Variants in KIDINS220 observed in about 807,000 individuals in gnomAD.
KIDINS220 encodes kinase D-interacting substrate of 220 kDa.
In KIDINS220, 63 loss-of-function variants were observed where a neutral mutation model predicts 157.6. The observed-to-expected ratio is 0.40, with a 90% CI of 0.33 to 0.49. The LOEUF is 0.49. Ranked by LOEUF, KIDINS220 falls within the 20% of genes least tolerant of loss-of-function variation. The pLI, the probability that KIDINS220 is intolerant of heterozygous loss-of-function variation, is 0.66. For synonymous variants in KIDINS220, 732 were observed against 783.6 expected (o/e 0.93, Z 1.10); for missense variants, 1,772 against 2,171.2 (o/e 0.82, Z 3.65).
chr2:8,721,898 T>C (rs1339335313), downstream of KIDINS220: 6 of 152,230 alleles, frequency 3.9e-5, no homozygotes, highest in Admixed American at 3.3e-4. Context: ...CATTGTCAGA[T>C]ACACAGTGTG....
At position 8,736,882 on chromosome 2, in the gene KIDINS220, T is replaced by C. The variant is rs145972423; in HGVS notation, c.3703A>G (p.Thr1235Ala). Reference protein sequence around the residue: ...LDQSMLPQYCTTIKKANINGR... With the variant: ...LDQSMLPQYCATIKKANINGR... The stretch of plus-strand genomic sequence containing the variant: ...GGCTGCCTCACCTTTTTGATCGTGG[T>C]ACAATACTGAGGCAGCATACTCTGG... Residue 1235 changes from threonine to alanine, a missense_variant, in exon 27 of 30, where the codon ACC (threonine) becomes GCC (alanine). Thr to Ala is a moderately conservative substitution (Grantham distance 58, BLOSUM62 0). Around this residue, in one of 3 missense-constraint regions of KIDINS220, gnomAD observed 793 missense variants for 885.5 expected, o/e 0.90. Transcript: ENST00000256707. 1 of 1,614,190 alleles carries C rather than the reference T, an allele frequency of 6.2e-7. No homozygotes were observed. Among genetic ancestry groups the C allele is most frequent in the Non-Finnish European group, 8.5e-7 (1 of 1,180,018 alleles).
At chr2:8,761,847 A>G (rs1211011775) in intron 22 of KIDINS220, among the ~76,000 whole-genome samples, 1 of 152,192 alleles carries the variant, frequency 6.6e-6, no homozygotes, top group East Asian at 1.9e-4. Flanking sequence ...CATTTGAATT[A>G]GCTAGCATTT....
chr2:8,722,254 T>C (rs1159233780), downstream of KIDINS220: 1 of 152,230 alleles, frequency 6.6e-6, no homozygotes, highest in Non-Finnish European at 1.5e-5. Context: ...AAAGAAAATA[T>C]GCATCTTAGA....
At chr2:8,800,596 A>G in intron 8 of KIDINS220, 98 bp from the exon 9 acceptor site, 3 of 909,704 alleles carry the variant, frequency 3.3e-6, no homozygotes, top group Non-Finnish European at 5.0e-6. Flanking sequence ...ATTTTTTTCT[A>G]AAAATTTCTT....
At chr2:8,813,605 C>G (rs1044151031) in intron 4 of KIDINS220, among the ~76,000 whole-genome samples, 5 of 152,198 alleles carry the variant, frequency 3.3e-5, no homozygotes, top group African/African-American at 1.2e-4. Flanking sequence ...TTCCAAACTT[C>G]TAAGATTTAT....
intron 8 of KIDINS220, 121 bp from the exon 9 acceptor site, chr2:8,800,619 C>T: frequency 1.5e-6 from 1 of 682,446 alleles, no homozygotes; most frequent in East Asian, 2.6e-5. Flanking sequence ...AAAAAGTCTA[C>T]CTCTAAATAA....
chr2:8,797,489 G>A (rs1452392408), intron 10 of KIDINS220, among the ~76,000 whole-genome samples: 9 of 152,162 alleles, frequency 5.9e-5, no homozygotes, highest in East Asian at 1.9e-4. Flanking sequence ...GGATTAAGGA[G>A]CCACCTGCAA....
At chr2:8,798,473 A>G (rs1044200876) in intron 9 of KIDINS220, among the ~76,000 whole-genome samples, 173 bp from the exon 10 acceptor site, 12 of 152,210 alleles carry the variant, frequency 7.9e-5, no homozygotes, top group African/African-American at 2.9e-4. Flanking sequence ...TTGTGAAAGA[A>G]GCCTAGGAAA....
intron 22 of KIDINS220, among the ~76,000 whole-genome samples, chr2:8,764,607 G>A (rs1227172418): frequency 2.0e-5 from 3 of 152,194 alleles, no homozygotes; most frequent in Non-Finnish European, 4.4e-5. Context: ...TGTGTACTGA[G>A]AAGCTACTAT....
chr2:8,798,174 G>C (rs1252125987), intron 10 of KIDINS220, 28 bp downstream of exon 10: 1 of 1,330,458 alleles, frequency 7.5e-7, no homozygotes, highest in Non-Finnish European at 1.1e-6. Flanking sequence ...ATAAGGTGCT[G>C]CTAACAGAAT....
intron 1 of KIDINS220, among the ~76,000 whole-genome samples, chr2:8,835,435 G>C (rs1002590119): frequency 3.3e-5 from 5 of 151,968 alleles, no homozygotes; most frequent in Non-Finnish European, 7.4e-5. Context: ...TCTAGAACTG[G>C]GAATTAGAAA....
Position 8,729,450 on chromosome 2 carries a change from T to G in KIDINS220, c.*1270A>C. The G allele has an allele frequency of 1.0e-6, 1 of 985,462 alleles. No homozygotes were observed. The allele number at this position is 985,462 out of a possible 1,614,324, so 61.0% of individuals were successfully genotyped here. On this transcript the variant is annotated 3_prime_UTR_variant, in exon 30 of 30. Transcript: ENST00000256707. ...ATTCATTCTACATAAATGAGCTATG[T>G]TAAAACGATAACAATATTTCATTGC...
rs764223176 is a variant in KIDINS220 at position 8,827,108 on chromosome 2, G to T, written c.-15C>A. The T allele has an allele frequency of 1.4e-6, 2 of 1,417,526 alleles. No homozygotes were observed. The highest frequency in any genetic ancestry group is 2.0e-6 in the Non-Finnish European group (2 of 1,015,752). 87.8% of individuals were successfully genotyped at this position (1,417,526 alleles called of 1,614,324 possible). A position where few individuals can be genotyped will look rare whatever the true frequency, so the allele number is the denominator to read the frequency against. ...AAAACTGACATTTTCACAGAAAGCTGCAATTAACTTTATTTGAATACCTGT... is the reference window on the plus strand; with the variant it reads ...AAAACTGACATTTTCACAGAAAGCTTCAATTAACTTTATTTGAATACCTGT... On this transcript the variant is annotated 5_prime_UTR_variant, in exon 2 of 30. Transcript: ENST00000256707.
Position 8,818,701 on chromosome 2 carries a change from T to G in KIDINS220, c.201A>C (p.Glu67Asp). Residue 67 changes from glutamate (E) to aspartate (D), a missense_variant, in exon 3 of 30, where the codon GAA (glutamate) becomes GAC (aspartate). Coordinates refer to ENST00000256707, the MANE Select transcript of KIDINS220 (RefSeq NM_020738.4). ...AAATTATTTTAATATATACCAAATC[T>G]TCCAGATTGCAGTTAGCTCCATTCT... ...LIKNGANCNLEDLDNWTALIS... is the reference protein window; with the variant it reads ...LIKNGANCNLDDLDNWTALIS... The G allele has an allele frequency of 6.4e-7, 1 of 1,551,330 alleles. No individual in the cohort carries two copies. The highest frequency in any genetic ancestry group is 8.9e-7 in the Non-Finnish European group (1 of 1,127,546).
intron 4 of KIDINS220, among the ~76,000 whole-genome samples, chr2:8,813,954 T>A (rs1456453989): frequency 1.3e-5 from 2 of 152,138 alleles, no homozygotes; most frequent in East Asian, 3.9e-4. Flanking sequence ...AATAAAAATT[T>A]CTTCAGAAAA....
rs1178548452 is a variant in KIDINS220, at chr2:8,800,500, TAAG to T, written c.802-5_802-3del. 2.6e-5 allele frequency: 41 copies of T among 1,593,504 alleles called. No individual in the cohort carries two copies. The highest frequency in any genetic ancestry group is 9.0e-5 in the Admixed American group (5 of 55,746). On this transcript the variant is annotated splice_region_variant and splice_polypyrimidine_tract_variant and intron_variant, in intron 8 of 29. Coordinates refer to ENST00000256707, the MANE Select transcript of KIDINS220 (RefSeq NM_020738.4). ...GCCAATCAACACAGTATCCCCACTC[TAAG>T]AAGACAGAAAATAAAAACAAAAACA...
At position 8,731,381 on chromosome 2, in the gene KIDINS220, A is replaced by G. The variant is rs753847343; in HGVS notation, c.4655T>C (p.Val1552Ala). The change falls in exon 30 of 30, where the codon GTG (valine) becomes GCG (alanine). Residue 1552 changes from valine to alanine, a missense_variant. Val to Ala is a moderately conservative substitution (Grantham distance 64, BLOSUM62 0). This residue lies in a region of KIDINS220 where 793 missense variants were observed against 885.5 expected (regional missense o/e 0.90). Transcript: ENST00000256707. The surrounding 1 kb of genome is among the most constrained non-coding windows in gnomAD (Gnocchi z 5.2). Reference protein sequence around the residue: ...DRKAEGKVERVPKSPEHSAEP... With the variant: ...DRKAEGKVERAPKSPEHSAEP... Reference sequence around the variant, plus strand: ...AGCACTGTGTTCTGGAGACTTCGGCACTCTCTCTACTTTCCCTTCGGCTTT... The same window carrying G: ...AGCACTGTGTTCTGGAGACTTCGGCGCTCTCTCTACTTTCCCTTCGGCTTT... 10 of 1,613,944 alleles carry G rather than the reference A, an allele frequency of 6.2e-6. No individual in the cohort carries two copies. The East Asian group carries it at 2.0e-4, about 32-fold the overall frequency.
At chr2:8,774,295 C>CAAA (rs547340055) in intron 21 of KIDINS220, among the ~76,000 whole-genome samples, 1 of 56,750 alleles carries the variant, frequency 1.8e-5, no homozygotes, top group Non-Finnish European at 3.6e-5. Flanking sequence ...GACTCTGTCT[C>CAAA]AAAAAAAAAA....
At chr2:8,798,919 C>T (rs1178625379) in intron 9 of KIDINS220, among the ~76,000 whole-genome samples, 1 of 152,122 alleles carries the variant, frequency 6.6e-6, no homozygotes, top group Non-Finnish European at 1.5e-5. Context: ...AGGTAAAAGT[C>T]CAAGTAGGTG....
Sources: allele counts gnomAD v4.1 joint callset (sites outside exome capture counted in the v4.1 genomes callset), GRCh38; gene constraint gnomAD v4.1.1; regional missense constraint gnomAD v4.1.1; non-coding constraint Gnocchi (gnomAD v3.1); transcripts MANE v1.5; gene names NCBI Gene and HGNC (gene_info 2026-07-23, HGNC 2026-07-21).